The following ITGA9 variants were observed in gnomAD, a reference collection of about 807,000 sequenced individuals.
ITGA9 encodes the protein integrin subunit alpha 9, also known as integrin alpha-9.
A neutral mutation model predicts 127.8 loss-of-function variants in ITGA9; 56 were observed. The observed-to-expected ratio is 0.44, with a 90% CI of 0.35 to 0.55. ITGA9 has a LOEUF of 0.55. Ranked by LOEUF, ITGA9 falls within the 20% of genes least tolerant of loss-of-function variation. The pLI is 0.00. For missense variants in ITGA9, 1,196 were observed against 1,347.1 expected (o/e 0.89, Z 1.76); for synonymous variants, 508 against 514.5 (o/e 0.99, Z 0.17).
chr3:37,467,128 G>A (rs1025359174), intron 1 of ITGA9, among the ~76,000 whole-genome samples: 4 of 152,152 alleles, frequency 2.6e-5, no homozygotes, highest in African/African-American at 4.8e-5. Flanking sequence ...GCTGGGCTGC[G>A]GAGGAAGCCA....
chr3:37,748,310 T>A, intron 22 of ITGA9: 1 of 551,332 alleles, frequency 1.8e-6, no homozygotes, highest in Non-Finnish European at 3.5e-6. Context: ...GTCTACGGTG[T>A]TACCCAGCAT....
intron 17 of ITGA9, among the ~76,000 whole-genome samples, chr3:37,655,328 T>C (rs6419834): frequency 0.58 from 88,452 of 152,022 alleles, 26,422 homozygotes; most frequent in African/African-American, 0.72. Context: ...AAAAGCATTC[T>C]TATTTCTCCA....
chr3:37,748,477 G>A, intron 22 of ITGA9: 2 of 564,094 alleles, frequency 3.5e-6, no homozygotes, highest in East Asian at 3.8e-5. Context: ...TGGCGGCACA[G>A]TAGCTCACGC....
intron 3 of ITGA9, among the ~76,000 whole-genome samples, chr3:37,479,138 C>T (rs556633904): frequency 2.6e-5 from 4 of 152,042 alleles, no homozygotes; most frequent in Non-Finnish European, 5.9e-5. Context: ...AATTAGATAA[C>T]AATAAGTGAT....
At chr3:37,722,683 G>A (rs957852624) in intron 18 of ITGA9, among the ~76,000 whole-genome samples, 1 of 152,160 alleles carries the variant, frequency 6.6e-6, no homozygotes, top group Non-Finnish European at 1.5e-5. Context: ...ATATTCCATT[G>A]TATGGATATA....
chr3:37,589,633 G>A (rs1316820186), intron 15 of ITGA9, among the ~76,000 whole-genome samples: 2 of 152,198 alleles, frequency 1.3e-5, no homozygotes, highest in Non-Finnish European at 2.9e-5. Context: ...AAGGAGGTAA[G>A]GGGAGAGAAC....
At chr3:37,741,902 C>A in intron 21 of ITGA9, 83 bp downstream of exon 21, 3 of 1,108,726 alleles carry the variant, frequency 2.7e-6, no homozygotes, top group Non-Finnish European at 4.0e-6. Flanking sequence ...CATGTGTAGC[C>A]AGCCAGGAGC....
intron 18 of ITGA9, among the ~76,000 whole-genome samples, chr3:37,715,866 T>C (rs1284715905): frequency 6.6e-6 from 1 of 152,198 alleles, no homozygotes; most frequent in Non-Finnish European, 1.5e-5. Context: ...GGTAGTCTCT[T>C]TCCTGCTATC....
intron 22 of ITGA9, among the ~76,000 whole-genome samples, chr3:37,747,843 C>T (rs1379108823): frequency 6.6e-6 from 1 of 152,046 alleles, no homozygotes; most frequent in East Asian, 1.9e-4. Flanking sequence ...ATCCTCCCAC[C>T]TCAGCCTCCT....
Position 37,508,646 on chromosome 3 carries a change from G to A in ITGA9, c.897+19G>A, listed in dbSNP as rs1023329742. The A allele has an allele frequency of 5.0e-6, 8 of 1,601,364 alleles. No individual in the cohort carries two copies. In the African/African-American group the frequency reaches 6.7e-5, roughly 13 times the overall value. ...TAAAAAGGTGAGGTTCTTGGTATAA[G>A]TGACTATTTTTTATTTGAGAGATGT... On this transcript the variant is annotated intron_variant, in intron 8 of 27. Transcript: ENST00000264741.
At chr3:37,605,579 A>G (rs1025064278) in intron 15 of ITGA9, among the ~76,000 whole-genome samples, 2 of 152,214 alleles carry the variant, frequency 1.3e-5, no homozygotes, top group African/African-American at 2.4e-5. Context: ...CACCCCTCAT[A>G]AAATGAGGAC....
chr3:37,714,268 G>A (rs1028951661), intron 18 of ITGA9, among the ~76,000 whole-genome samples: 43 of 152,238 alleles, frequency 2.8e-4, no homozygotes, highest in African/African-American at 9.9e-4. Flanking sequence ...AAGGTACTCT[G>A]TAAATGTATG....
intron 23 of ITGA9, among the ~76,000 whole-genome samples, chr3:37,762,101 C>T (rs765608090): frequency 7.0e-4 from 107 of 152,346 alleles, no homozygotes; most frequent in Non-Finnish European, 1.1e-3. Context: ...ACTTTACTCT[C>T]TGGGCTTCCT....
intron 3 of ITGA9, among the ~76,000 whole-genome samples, chr3:37,478,914 A>G (rs767327352): frequency 3.3e-5 from 5 of 152,258 alleles, no homozygotes; most frequent in African/African-American, 9.6e-5. Flanking sequence ...TGGCACTTAA[A>G]AAATGAGACA....
At chr3:37,547,603 A>G (rs1388682438) in intron 15 of ITGA9, among the ~76,000 whole-genome samples, 1 of 151,850 alleles carries the variant, frequency 6.6e-6, no homozygotes, top group African/African-American at 2.4e-5. Context: ...ATTAAGTTGG[A>G]GTTAATAAGA....
rs114503533 is a variant in ITGA9, at chr3:37,791,343, G to A, written c.2889+6265G>A. Among the ~76,000 whole-genome samples the A allele has an allele frequency of 7.3e-3, 1,075 of 148,184 alleles. 11 individuals are homozygous for A. Among genetic ancestry groups the A allele is most frequent in the Non-Finnish European group, 0.011 (762 of 66,592 alleles). On this transcript the variant is annotated intron_variant, in intron 26 of 27. Coordinates refer to ENST00000264741, the MANE Select transcript of ITGA9 (RefSeq NM_002207.3). Reference sequence around the variant, plus strand: ...ATGAGTCGGTAAGCTGCTGCCATATGGAGCATGCACCAGACTGAGGTCTTT... The same window carrying A: ...ATGAGTCGGTAAGCTGCTGCCATATAGAGCATGCACCAGACTGAGGTCTTT...
chr3:37,661,447 G>T (rs113040224), intron 17 of ITGA9, among the ~76,000 whole-genome samples: 114 of 152,312 alleles, frequency 7.5e-4, no homozygotes, highest in South Asian at 1.7e-3. Context: ...AACCATCAGA[G>T]AAATGTTCAT....
chr3:37,501,551 T>C (rs960791119), intron 5 of ITGA9, among the ~76,000 whole-genome samples: 8 of 152,214 alleles, frequency 5.3e-5, no homozygotes, highest in African/African-American at 1.9e-4. Flanking sequence ...TTTCCATCAC[T>C]TTGGGAAGTT....
At chr3:37,566,397 A>G (rs756584289) in intron 15 of ITGA9, among the ~76,000 whole-genome samples, 24 of 152,344 alleles carry the variant, frequency 1.6e-4, no homozygotes, top group Middle Eastern at 3.4e-3. Flanking sequence ...ACTTGTGAGG[A>G]TGAGGGGAAC....
Sources: allele counts gnomAD v4.1 joint callset (sites outside exome capture counted in the v4.1 genomes callset), GRCh38; gene constraint gnomAD v4.1.1; transcripts MANE v1.5; gene names NCBI Gene and HGNC (gene_info 2026-07-23, HGNC 2026-07-21).